STX10: variants seen among roughly 807,000 people sequenced by gnomAD.
STX10 encodes syntaxin 10.
STX10 carries 35 observed loss-of-function variants against 34.1 expected under a neutral mutation model. The ratio of observed to expected loss-of-function variants is 1.03; its 90% CI spans 0.78 to 1.36. STX10 has a LOEUF of 1.36. STX10 is among the 40% of genes most tolerant of loss of function. The pLI, the probability that STX10 is intolerant of heterozygous loss-of-function variation, is 0.00. For synonymous variants in STX10, 155 were observed against 132.9 expected, an observed-to-expected ratio of 1.17 and a Z score of -1.15; for missense variants, 361 against 335.5, an observed-to-expected ratio of 1.08 and a Z score of -0.59.
At chr19:13,149,350 T>G (rs140590663) in intron 3 of STX10, 149 bp downstream of exon 3, 37,554 of 719,864 alleles carry the variant, frequency 0.052, 1,211 homozygotes, top group South Asian at 0.083. Context: ...AGGCGGAGGT[T>G]GCAGTGAGCC....
In STX10 at chr19:13,150,074, G is replaced by C. The variant is rs1600027362; in HGVS notation, c.35+65C>G. ...CAGCCCGCCGGGCACGCTGGGGCCG[G>C]CACCCGGGCACTGGCTGGCTTGGGT... is the stretch of plus-strand genomic sequence containing the variant. On this transcript the variant is annotated intron_variant, in intron 1 of 7. Transcript: ENST00000587230. The surrounding 1 kb of genome is among the most constrained non-coding windows in gnomAD (Gnocchi z 4.0). 1.8e-6 allele frequency: 2 copies of C among 1,119,274 alleles called. No homozygotes were observed. Among genetic ancestry groups the C allele is most frequent in the Non-Finnish European group, 2.7e-6 (2 of 751,312 alleles). 69.3% of individuals were successfully genotyped at this position (1,119,274 alleles called of 1,614,324 possible).
chr19:13,144,877 A>G lies in STX10; in HGVS notation c.472-7T>C. The stretch of plus-strand genomic sequence containing the variant: ...CCTGTTCATCCATGATCAGCTGCAG[A>G]GCGAAGGGGTGGGAGATGCTGTTGA... On this transcript the variant is annotated splice_region_variant and splice_polypyrimidine_tract_variant and intron_variant, in intron 5 of 7. Coordinates refer to ENST00000587230, the MANE Select transcript of STX10 (RefSeq NM_003765.3). 2 of 1,610,428 alleles carry G rather than the reference A, an allele frequency of 1.2e-6. No homozygotes were observed. The highest frequency in any genetic ancestry group is 1.7e-6 in the Non-Finnish European group (2 of 1,178,602).
chr19:13,149,355 T>G, intron 3 of STX10, 144 bp downstream of exon 3: 1 of 740,072 alleles, frequency 1.4e-6, no homozygotes. Flanking sequence ...GAGGTTGCAG[T>G]GAGCCGAGAT....
intron 4 of STX10, 47 bp downstream of exon 4, chr19:13,148,982 G>A (rs1238189148): frequency 1.9e-5 from 30 of 1,540,398 alleles, no homozygotes; most frequent in Non-Finnish European, 2.5e-5. Context: ...ATCTGGCTTG[G>A]TTACCCCCAG....
chr19:13,149,739 TC>T lies in STX10; in HGVS notation c.193del (p.Glu65LysfsTer6). 1 of 1,613,862 alleles carries T rather than the reference TC, an allele frequency of 6.2e-7. No individual in the cohort carries two copies. Among genetic ancestry groups the T allele is most frequent in the Non-Finnish European group, 8.5e-7 (1 of 1,179,772 alleles). ...AAGCCCCAGGATATCGATGGTCTCT[TC>T]CAGGTCCTCGAGGTCCCACTCGATG... is the stretch of plus-strand genomic sequence containing the variant. Reference protein sequence around the residue: ...RSIEWDLEDLEETIGIVEANP... With the variant: ...RSIEWDLEDLXETIGIVEANP... On this transcript the variant is annotated frameshift_variant, in exon 2 of 8. Coordinates refer to ENST00000587230, the MANE Select transcript of STX10 (RefSeq NM_003765.3). LOFTEE classifies it high-confidence loss of function.
chr19:13,148,790 C>T (rs1421333873), intron 4 of STX10, among the ~76,000 whole-genome samples: 1 of 152,116 alleles, frequency 6.6e-6, no homozygotes, highest in African/African-American at 2.4e-5. Flanking sequence ...CAGCCCTCTC[C>T]TGCAACAGGA....
intron 4 of STX10, 44 bp from the exon 5 acceptor site, chr19:13,145,439 A>C: frequency 7.2e-5 from 111 of 1,543,666 alleles, no homozygotes; most frequent in Non-Finnish European, 8.8e-5. Flanking sequence ...ACCCCAACTC[A>C]CAGCGGGGCC....
chr19:13,144,506 G>A lies in STX10; in HGVS notation c.674-20C>T, dbSNP rs368523702. On this transcript the variant is annotated intron_variant, in intron 7 of 7. Coordinates refer to ENST00000587230, the MANE Select transcript of STX10 (RefSeq NM_003765.3). Reference sequence around the variant, plus strand: ...GGCGGTCTGGGAACGAGAAGGTCAGGGGTCACGGGGAGAGGGTACCACCTA... The same window carrying A: ...GGCGGTCTGGGAACGAGAAGGTCAGAGGTCACGGGGAGAGGGTACCACCTA... 3 of 1,613,762 alleles carry A rather than the reference G, an allele frequency of 1.9e-6. No homozygotes were observed. Among genetic ancestry groups the A allele is most frequent in the Non-Finnish European group, 1.7e-6 (2 of 1,179,898 alleles).
At position 13,144,512 on chromosome 19, in the gene STX10, C is replaced by A. The variant is rs182093138; in HGVS notation, c.674-26G>T. The A allele has an allele frequency of 9.9e-5, 160 of 1,613,646 alleles. No homozygotes were observed. In the East Asian group the frequency reaches 3.3e-3, roughly 34 times the overall value. On this transcript the variant is annotated intron_variant, in intron 7 of 7. Coordinates refer to ENST00000587230, the MANE Select transcript of STX10 (RefSeq NM_003765.3). ...CTGGGAACGAGAAGGTCAGGGGTCA[C>A]GGGGAGAGGGTACCACCTACAACCT... is the stretch of plus-strand genomic sequence containing the variant.
chr19:13,149,921 G>C (rs1168921618), intron 1 of STX10, 24 bp from the exon 2 acceptor site: 2 of 1,539,132 alleles, frequency 1.3e-6, no homozygotes, highest in African/African-American at 2.8e-5. Flanking sequence ...CACGGCGGGC[G>C]CGGCTGGGGG....
chr19:13,147,756 G>T (rs993594353), intron 4 of STX10, among the ~76,000 whole-genome samples: 1 of 151,882 alleles, frequency 6.6e-6, no homozygotes, highest in East Asian at 1.9e-4. Context: ...ATTTAGCCAC[G>T]CATGGTGGTG....
At chr19:13,146,025 C>CAA (rs71168666) in intron 4 of STX10, among the ~76,000 whole-genome samples, 10,802 of 75,706 alleles carry the variant, frequency 0.14, 804 homozygotes, top group Non-Finnish European at 0.21. Context: ...GACCTTCTCT[C>CAA]AAAAAAAAAA....
At position 13,144,565 on chromosome 19, in the gene STX10, G is replaced by A; in HGVS notation, c.673+12C>T. 6.2e-7 allele frequency: 1 copy of A among 1,614,130 alleles called. No individual in the cohort carries two copies. Among genetic ancestry groups the A allele is most frequent in the African/African-American group, 1.3e-5 (1 of 75,050 alleles). ...CCCCACCAGGACTGACCCCTCCCCT[G>A]AGGGGACTCACCACTCGTCATGTGG... On this transcript the variant is annotated intron_variant, in intron 7 of 7. Transcript: ENST00000587230.
chr19:13,150,035 C>T lies in STX10; in HGVS notation c.35+104G>A, dbSNP rs998625177. On this transcript the variant is annotated intron_variant, in intron 1 of 7. Transcript: ENST00000587230. This position sits in a 1 kb window ranked among gnomAD's most constrained non-coding sequence, Gnocchi z 4.0. ...CTGCGTGCGCCTCCCACTCTGCACC[C>T]CGACGGCCTTGCCCAGCCCGCCGGG... 3.7e-5 allele frequency: 49 copies of T among 1,328,542 alleles called. No individual in the cohort carries two copies. The highest frequency in any genetic ancestry group is 4.9e-5 in the Non-Finnish European group (46 of 945,806). 82.3% of individuals were successfully genotyped at this position (1,328,542 alleles called of 1,614,324 possible).
At chr19:13,147,091 C>CACAG (rs1897965373) in intron 4 of STX10, among the ~76,000 whole-genome samples, 1 of 151,274 alleles carries the variant, frequency 6.6e-6, no homozygotes, top group Non-Finnish European at 1.5e-5. Flanking sequence ...CACACACACA[C>CACAG]ACACACACAC....
At chr19:13,149,638 C>A in intron 2 of STX10, 45 bp from the exon 3 acceptor site, 1 of 1,612,948 alleles carries the variant, frequency 6.2e-7, no homozygotes, top group Non-Finnish European at 8.5e-7. Flanking sequence ...GATATCATCC[C>A]CGTCCCTAGG....
At chr19:13,147,574 G>C (rs1190953420) in intron 4 of STX10, among the ~76,000 whole-genome samples, 1 of 151,994 alleles carries the variant, frequency 6.6e-6, no homozygotes, top group African/African-American at 2.4e-5. Context: ...GACCATCCTG[G>C]CCAACATGAT....
chr19:13,144,631 A>C lies in STX10; in HGVS notation c.619T>G (p.Ser207Ala), dbSNP rs2019853372. The change falls in exon 7 of 8, where the codon TCC becomes GCC. Residue 207 changes from serine (S) to alanine (A), a missense_variant. Transcript: ENST00000587230. ...TTCCTGAGGACCCCGTCCATGCGGGACTGGGTGTGGTCCATCTCTTGGGCG... is the reference window on the plus strand; with the variant it reads ...TTCCTGAGGACCCCGTCCATGCGGGCCTGGGTGTGGTCCATCTCTTGGGCG... ...AFAQEMDHTQ[S>A]RMDGVLRKLA... 1 of 1,614,074 alleles carries C rather than the reference A, an allele frequency of 6.2e-7. No individual in the cohort carries two copies. Among genetic ancestry groups the C allele is most frequent in the Non-Finnish European group, 8.5e-7 (1 of 1,179,988 alleles).
At position 13,150,134 on chromosome 19, in the gene STX10, C is replaced by T; in HGVS notation, c.35+5G>A. ...CCTCCGCCCTCCCCCGTCGTTGTCA[C>T]TCACCCTCGGACTACAAAAAAGGGG... On this transcript the variant is annotated splice_donor_5th_base_variant and intron_variant, in intron 1 of 7. Coordinates refer to ENST00000587230, the MANE Select transcript of STX10 (RefSeq NM_003765.3). This position sits in a 1 kb window ranked among gnomAD's most constrained non-coding sequence, Gnocchi z 4.0. 1 of 1,186,800 alleles carries T rather than the reference C, an allele frequency of 8.4e-7. No homozygotes were observed. Among genetic ancestry groups the T allele is most frequent in the Non-Finnish European group, 1.2e-6 (1 of 803,564 alleles). The allele number at this position is 1,186,800 out of a possible 1,614,324, so 73.5% of individuals were successfully genotyped here.
Sources: allele counts gnomAD v4.1 joint callset (sites outside exome capture counted in the v4.1 genomes callset), GRCh38; gene constraint gnomAD v4.1.1; non-coding constraint Gnocchi (gnomAD v3.1); transcripts MANE v1.5; gene names NCBI Gene and HGNC (gene_info 2026-07-23, HGNC 2026-07-21).